The following BMP5 variants were observed in gnomAD, a reference collection of about 807,000 sequenced individuals.
BMP5 encodes bone morphogenetic protein 5.
BMP5 carries 23 observed loss-of-function variants against 46.6 expected under a neutral mutation model. The ratio of observed to expected loss-of-function variants is 0.49; its 90% CI spans 0.35 to 0.70. The LOEUF (loss-of-function observed/expected upper bound fraction) is 0.70, where lower values mean the gene tolerates loss of function less well. BMP5 is among the 30% of genes least tolerant of loss of function. The pLI is 0.00. For synonymous variants in BMP5, 204 were observed against 191.9 expected (o/e 1.06, Z -0.52); for missense variants, 545 against 565.6 (o/e 0.96, Z 0.37).
chr6:55,797,967 T>G (rs80025744), intron 2 of BMP5, among the ~76,000 whole-genome samples: 150 of 152,234 alleles, frequency 9.9e-4, no homozygotes, highest in Non-Finnish European at 1.7e-3. Flanking sequence ...GCAATTGATT[T>G]TCTCTCATTT....
chr6:55,755,105 T>C lies in BMP5; in HGVS notation c.*428A>G, dbSNP rs1774549473. ...TGGGTTGTTATTTTTTTAAGTCTTA[T>C]TTCTAAATAAATATTCTATCATGGT... On this transcript the variant is annotated 3_prime_UTR_variant, in exon 7 of 7. Transcript: ENST00000370830. The C allele has an allele frequency of 6.6e-6, 1 of 152,608 alleles. No individual in the cohort carries two copies. Among genetic ancestry groups the C allele is most frequent in the African/African-American group, 2.4e-5 (1 of 41,554 alleles). 9.5% of individuals were successfully genotyped at this position (152,608 alleles called of 1,614,324 possible).
chr6:55,827,837 G>C (rs561817209), intron 1 of BMP5, among the ~76,000 whole-genome samples: 2 of 151,892 alleles, frequency 1.3e-5, no homozygotes, highest in African/African-American at 4.8e-5. Flanking sequence ...ACAAATAACA[G>C]ATTTCAATGA....
chr6:55,872,171 G>T (rs1437477156), intron 1 of BMP5, among the ~76,000 whole-genome samples: 1 of 151,634 alleles, frequency 6.6e-6, no homozygotes, highest in East Asian at 1.9e-4. Context: ...GTATTTGAAG[G>T]CATGATCAAA....
chr6:55,875,267 A>G lies in BMP5; in HGVS notation c.-402T>C. 4.7e-6 allele frequency: 1 copy of G among 214,502 alleles called. No individual in the cohort carries two copies. The highest frequency in any genetic ancestry group is 9.4e-6 in the Non-Finnish European group (1 of 106,426). The allele number at this position is 214,502 out of a possible 1,614,324, so 13.3% of individuals were successfully genotyped here. ...TCTGATAAACTGTAGTTCCCAAAGT[A>G]ATCTTCACTTGCTTTTGAGTTCTTC... is the stretch of plus-strand genomic sequence containing the variant. On this transcript the variant is annotated 5_prime_UTR_variant, in exon 1 of 7. Coordinates refer to ENST00000370830, the MANE Select transcript of BMP5 (RefSeq NM_021073.4).
At chr6:55,769,295 A>G (rs1435455745) in intron 4 of BMP5, among the ~76,000 whole-genome samples, 2 of 151,948 alleles carry the variant, frequency 1.3e-5, no homozygotes, top group Non-Finnish European at 2.9e-5. Flanking sequence ...ACTCTAGTAA[A>G]TAAACTTATT....
At chr6:55,770,979 A>G (rs1049622393) in intron 4 of BMP5, among the ~76,000 whole-genome samples, 5 of 151,904 alleles carry the variant, frequency 3.3e-5, no homozygotes, top group African/African-American at 4.8e-5. Flanking sequence ...CAAATATAAT[A>G]ATAACAGTAA....
intron 2 of BMP5, among the ~76,000 whole-genome samples, chr6:55,804,708 G>C (rs917732876): frequency 1.3e-4 from 20 of 151,994 alleles, no homozygotes; most frequent in Non-Finnish European, 1.0e-4. Context: ...TGCATTGAGG[G>C]GTGAATTAAC....
chr6:55,847,126 T>C (rs1036954009), intron 1 of BMP5, among the ~76,000 whole-genome samples: 1 of 151,932 alleles, frequency 6.6e-6, no homozygotes, highest in African/African-American at 2.4e-5. Flanking sequence ...TAAAATATAA[T>C]ATTCCAAGAG....
chr6:55,862,076 TC>T (rs1195256373), intron 1 of BMP5, among the ~76,000 whole-genome samples: 1 of 152,228 alleles, frequency 6.6e-6, no homozygotes, highest in Non-Finnish European at 1.5e-5. Flanking sequence ...AAACAGAATA[TC>T]CACTAGAGAA....
chr6:55,793,144 A>G (rs908345071), intron 3 of BMP5, among the ~76,000 whole-genome samples: 2 of 152,142 alleles, frequency 1.3e-5, no homozygotes, highest in African/African-American at 2.4e-5. Flanking sequence ...GAGTGTTTGA[A>G]CTTTGAGTGA....
intron 2 of BMP5, among the ~76,000 whole-genome samples, chr6:55,817,414 G>T (rs1336746529): frequency 6.6e-6 from 1 of 152,132 alleles, no homozygotes; most frequent in South Asian, 2.1e-4. Context: ...AGAATACTAT[G>T]CAGCCATAAA....
At chr6:55,824,093 A>G (rs1484944385) in intron 1 of BMP5, among the ~76,000 whole-genome samples, 2 of 151,968 alleles carry the variant, frequency 1.3e-5, no homozygotes, top group Admixed American at 6.6e-5. Context: ...AGTAGATGAA[A>G]AAGAACAAAC....
chr6:55,769,655 C>T (rs1040128063), intron 4 of BMP5, among the ~76,000 whole-genome samples: 11 of 151,802 alleles, frequency 7.2e-5, no homozygotes, highest in Non-Finnish European at 4.4e-5. Flanking sequence ...AATGGTGAAT[C>T]CTTTCCAGAA....
chr6:55,837,234 T>A (rs1293556800), intron 1 of BMP5, among the ~76,000 whole-genome samples: 1 of 152,044 alleles, frequency 6.6e-6, no homozygotes, highest in African/African-American at 2.4e-5. Flanking sequence ...TAACTAATTA[T>A]GATAATTAAC....
intron 1 of BMP5, among the ~76,000 whole-genome samples, chr6:55,841,428 C>T (rs1432985396): frequency 6.6e-6 from 1 of 152,024 alleles, no homozygotes; most frequent in Non-Finnish European, 1.5e-5. Context: ...TAAATTGTTT[C>T]TATTGATTTG....
intron 2 of BMP5, among the ~76,000 whole-genome samples, chr6:55,802,108 T>A (rs1346674349): frequency 6.6e-6 from 1 of 152,156 alleles, no homozygotes; most frequent in Non-Finnish European, 1.5e-5. Flanking sequence ...ATGGAAGTGG[T>A]TCCTCTCAAC....
intron 1 of BMP5, among the ~76,000 whole-genome samples, chr6:55,840,351 A>G (rs1334631102): frequency 2.0e-5 from 3 of 152,016 alleles, no homozygotes; most frequent in Non-Finnish European, 4.4e-5. Flanking sequence ...TATGCCTTCT[A>G]TTTCTCCTGA....
intron 1 of BMP5, among the ~76,000 whole-genome samples, chr6:55,866,751 C>T (rs1224911895): frequency 1.3e-5 from 2 of 152,094 alleles, no homozygotes; most frequent in African/African-American, 4.8e-5. Flanking sequence ...TTTCAATTTT[C>T]TCTAAAATGG....
chr6:55,792,000 G>A (rs1775582204), intron 3 of BMP5, among the ~76,000 whole-genome samples: 1 of 152,160 alleles, frequency 6.6e-6, no homozygotes, highest in Admixed American at 6.5e-5. Flanking sequence ...ATTCTTGGAA[G>A]ATTATTTAAA....
Sources: gnomAD v4.1 joint callset for allele counts (sites outside exome capture counted in the v4.1 genomes callset) on GRCh38, gnomAD v4.1.1 for gene constraint, MANE v1.5 for transcripts, NCBI Gene and HGNC (gene_info 2026-07-23, HGNC 2026-07-21) for gene names.